Variants in CACNA1C observed in about 807,000 individuals in gnomAD.
CACNA1C encodes calcium voltage-gated channel subunit alpha1 C.
A neutral mutation model predicts 229.0 loss-of-function variants in CACNA1C; 30 were observed. The ratio of observed to expected loss-of-function variants is 0.13; its 90% CI spans 0.10 to 0.18. The LOEUF is 0.18. Among genes scored for constraint, CACNA1C ranks in the 10% least tolerant of loss-of-function variants. CACNA1C has a pLI of 1.00. For synonymous variants in CACNA1C, 1,114 were observed against 1,132.5 expected, an observed-to-expected ratio of 0.98 and a Z score of 0.33; for missense variants, 1,658 against 2,845.0, an observed-to-expected ratio of 0.58 and a Z score of 9.49.
intron 1 of CACNA1C, chr12:2,019,845 T>C (rs1195225019): frequency 1.3e-5 from 2 of 152,230 alleles, no homozygotes; most frequent in African/African-American, 4.8e-5. Context: ...GGTTTATGTT[T>C]CTGTTTATTT....
Position 2,181,342 on chromosome 12 carries a change from A to G in CACNA1C, c.477+60912A>G, listed in dbSNP as rs886364870. ...CTTGAAGTTATTTAGAGAATCTCTA[A>G]GATACAAGTGGAGAGACAGCTGGAA... is the stretch of plus-strand genomic sequence containing the variant. On this transcript the variant is annotated intron_variant, in intron 3 of 46. Transcript: ENST00000399655. This position sits in a 1 kb window ranked among gnomAD's most constrained non-coding sequence, Gnocchi z 4.0. Among the ~76,000 whole-genome samples, 10 of 152,212 alleles carry G rather than the reference A, an allele frequency of 6.6e-5. No homozygotes were observed. Among genetic ancestry groups the G allele is most frequent in the Admixed American group, 3.9e-4 (6 of 15,284 alleles).
intron 3 of CACNA1C, among the ~76,000 whole-genome samples, chr12:2,228,952 A>G (rs1393015169): frequency 1.3e-5 from 2 of 151,632 alleles, no homozygotes; most frequent in East Asian, 1.9e-4. Flanking sequence ...GTGTGTGTGC[A>G]TATCTCCTGG....
chr12:2,490,838 G>A (rs1314633482), intron 6 of CACNA1C, among the ~76,000 whole-genome samples: 1 of 152,154 alleles, frequency 6.6e-6, no homozygotes, highest in Non-Finnish European at 1.5e-5. Flanking sequence ...AAATGGTGTG[G>A]ATACTGTCTC....
chr12:2,226,343 T>C (rs2063021971), intron 3 of CACNA1C, among the ~76,000 whole-genome samples: 2 of 152,120 alleles, frequency 1.3e-5, no homozygotes, highest in African/African-American at 2.4e-5. Context: ...CCATTGTACA[T>C]AAAAGGAAAC....
At chr12:2,273,259 G>A (rs150661415) in intron 3 of CACNA1C, among the ~76,000 whole-genome samples, 1 of 152,246 alleles carries the variant, frequency 6.6e-6, no homozygotes, top group Non-Finnish European at 1.5e-5. Context: ...TATATAAATA[G>A]TTCTTATGAT....
chr12:2,566,410 T>C lies in CACNA1C; in HGVS notation c.1509-12T>C. 2 of 1,579,636 alleles carry C rather than the reference T, an allele frequency of 1.3e-6. No homozygotes were observed. Among genetic ancestry groups the C allele is most frequent in the Non-Finnish European group, 8.6e-7 (1 of 1,162,420 alleles). ...AGCCAACCCCACCCTTCTCTCCCTG[T>C]CCCCTTTCCAGCCGCTACTGGCGCC... On this transcript the variant is annotated splice_polypyrimidine_tract_variant and intron_variant, in intron 11 of 46. Transcript: ENST00000399655. The surrounding 1 kb of genome is among the most constrained non-coding windows in gnomAD (Gnocchi z 4.0).
chr12:2,638,855 G>A (rs964794264), intron 30 of CACNA1C, among the ~76,000 whole-genome samples: 7 of 152,068 alleles, frequency 4.6e-5, no homozygotes, highest in Non-Finnish European at 7.3e-5. Flanking sequence ...CAGTTTTGAC[G>A]TATCTGTTAG....
At chr12:2,367,192 T>A (rs1015130582) in intron 3 of CACNA1C, among the ~76,000 whole-genome samples, 4 of 152,170 alleles carry the variant, frequency 2.6e-5, no homozygotes, top group African/African-American at 9.7e-5. Flanking sequence ...TAGATTCTCA[T>A]AAAGAGCATG....
chr12:2,603,573 G>T (rs2073855504), intron 22 of CACNA1C: 1 of 152,182 alleles, frequency 6.6e-6, no homozygotes, highest in Non-Finnish European at 1.5e-5. Context: ...GCCCCACCTG[G>T]GTAGGATGGA....
chr12:2,015,346 T>C (rs566563689), intron 1 of CACNA1C, among the ~76,000 whole-genome samples: 1 of 152,150 alleles, frequency 6.6e-6, no homozygotes, highest in Non-Finnish European at 1.5e-5. Context: ...TTTTCTGTAG[T>C]GGAGGCTGAA....
Position 2,679,390 on chromosome 12 carries a change from G to A in CACNA1C, c.5092-54G>A. Reference sequence around the variant, plus strand: ...GACCTGGCTGTGGAGGCTGCTCTCTGGGAGGAGTGGGTGCTAAGGGGCTTC... The same window carrying A: ...GACCTGGCTGTGGAGGCTGCTCTCTAGGAGGAGTGGGTGCTAAGGGGCTTC... On this transcript the variant is annotated intron_variant, in intron 41 of 46. Transcript: ENST00000399655. The surrounding 1 kb of genome is among the most constrained non-coding windows in gnomAD (Gnocchi z 5.5). 1 of 1,313,526 alleles carries A rather than the reference G, an allele frequency of 7.6e-7. No individual in the cohort carries two copies. Among genetic ancestry groups the A allele is most frequent in the Non-Finnish European group, 1.0e-6 (1 of 969,088 alleles). The allele number at this position is 1,313,526 out of a possible 1,614,324, so 81.4% of individuals were successfully genotyped here.
chr12:2,200,181 C>G (rs984822429), intron 3 of CACNA1C, among the ~76,000 whole-genome samples: 9 of 152,170 alleles, frequency 5.9e-5, no homozygotes, highest in African/African-American at 2.2e-4. Flanking sequence ...CCAGACAACA[C>G]TCAGGAGTTT....
chr12:2,206,344 A>G (rs2097758818), intron 3 of CACNA1C, among the ~76,000 whole-genome samples: 1 of 152,226 alleles, frequency 6.6e-6, no homozygotes, highest in African/African-American at 2.4e-5. Flanking sequence ...GGTTGGGAGA[A>G]TGGCAGAGCA....
intron 3 of CACNA1C, among the ~76,000 whole-genome samples, chr12:2,203,848 A>G (rs1462286241): frequency 6.6e-6 from 1 of 152,184 alleles, no homozygotes; most frequent in Admixed American, 6.5e-5. Flanking sequence ...GATGGAACTG[A>G]GTGAAGTGAC....
In CACNA1C at chr12:1,997,928, C is replaced by T. The variant is rs759852006; in HGVS notation, c.139+26727C>T. On this transcript the variant is annotated intron_variant, in intron 1 of 46. Coordinates refer to the CACNA1C transcript ENST00000682462. ...TTAGTTTCTTTATAAAAGTGAAACA[C>T]TCTTACCTTGTATAAACAAATAAGG... The T allele has an allele frequency of 3.1e-6, 5 of 1,603,252 alleles. No homozygotes were observed. In the African/African-American group the frequency reaches 4.0e-5, roughly 13 times the overall value.
chr12:2,565,240 G>C (rs1038163822), intron 11 of CACNA1C, among the ~76,000 whole-genome samples: 1 of 151,300 alleles, frequency 6.6e-6, no homozygotes, highest in African/African-American at 2.4e-5. Flanking sequence ...AGGCCGAGGC[G>C]GGTGGATCAT....
intron 3 of CACNA1C, among the ~76,000 whole-genome samples, chr12:2,125,469 G>T (rs2089627237): frequency 6.6e-6 from 1 of 152,126 alleles, no homozygotes; most frequent in South Asian, 2.1e-4. Context: ...TGAAGCTTGA[G>T]AAATCCTCCA....
chr12:2,064,943 G>A (rs1290662917), intron 1 of CACNA1C, among the ~76,000 whole-genome samples: 1 of 152,158 alleles, frequency 6.6e-6, no homozygotes, highest in Non-Finnish European at 1.5e-5. Context: ...AAGCGCACAG[G>A]CTCATGGAGG....
chr12:2,477,164 A>C (rs571161063), intron 5 of CACNA1C, among the ~76,000 whole-genome samples: 46 of 152,350 alleles, frequency 3.0e-4, no homozygotes, highest in African/African-American at 1.0e-3. Flanking sequence ...GCTTCTAGCC[A>C]GTGCAACATG....
Sources: allele counts gnomAD v4.1 joint callset (sites outside exome capture counted in the v4.1 genomes callset), GRCh38; gene constraint gnomAD v4.1.1; non-coding constraint Gnocchi (gnomAD v3.1); transcripts MANE v1.5; gene names NCBI Gene and HGNC (gene_info 2026-07-23, HGNC 2026-07-21).